NEGR1: variants seen among roughly 807,000 people sequenced by gnomAD.
NEGR1 encodes the protein IgLON family member 4.
A neutral mutation model predicts 40.9 loss-of-function variants in NEGR1; 10 were observed. The observed-to-expected ratio is 0.24, with a 90% CI of 0.15 to 0.42. The LOEUF is 0.42. Ranked by LOEUF, NEGR1 falls within the 10% of genes least tolerant of loss-of-function variation. The pLI is 1.00. For synonymous variants in NEGR1, 185 were observed against 166.8 expected (o/e 1.11, Z -0.84); for missense variants, 352 against 438.9 (o/e 0.80, Z 1.77).
At chr1:71,563,192 A>T (rs1296673805) in intron 6 of NEGR1, among the ~76,000 whole-genome samples, 2 of 152,014 alleles carry the variant, frequency 1.3e-5, no homozygotes, top group East Asian at 3.9e-4. Context: ...GAGAGGACTG[A>T]CTACCTTTTA....
chr1:71,687,602 C>G (rs937345463), intron 4 of NEGR1, among the ~76,000 whole-genome samples: 2 of 152,154 alleles, frequency 1.3e-5, no homozygotes, highest in African/African-American at 4.8e-5. Flanking sequence ...TAATTGTTTT[C>G]TCTATTCACT....
At chr1:72,147,975 C>A (rs374652545) in intron 1 of NEGR1, among the ~76,000 whole-genome samples, 14 of 152,114 alleles carry the variant, frequency 9.2e-5, no homozygotes, top group Non-Finnish European at 1.8e-4. Context: ...TGGTTGCTTT[C>A]ATGGGCTGGC....
intron 2 of NEGR1, among the ~76,000 whole-genome samples, chr1:71,828,519 C>T (rs1458153582): frequency 6.6e-6 from 1 of 151,752 alleles, no homozygotes; most frequent in Non-Finnish European, 1.5e-5. Flanking sequence ...TCTTTCCTTT[C>T]TTATTTTTCC....
intron 2 of NEGR1, among the ~76,000 whole-genome samples, chr1:71,876,770 A>G (rs1660444216): frequency 6.6e-6 from 1 of 152,160 alleles, no homozygotes; most frequent in African/African-American, 2.4e-5. Flanking sequence ...GAAGTTTTTT[A>G]TATTATGATC....
At chr1:71,552,247 C>G (rs1453506397) in intron 6 of NEGR1, among the ~76,000 whole-genome samples, 1 of 151,142 alleles carries the variant, frequency 6.6e-6, no homozygotes, top group Non-Finnish European at 1.5e-5. Flanking sequence ...CAGACACCTT[C>G]CTTAACTCTA....
Position 71,567,843 on chromosome 1 carries a change from T to TA in NEGR1, c.940+24973_940+24974insT, listed in dbSNP as rs1316698786. ...GTCATCAATGAGATTTTGTTTTTTT[T>TA]TTTATAAGATAGACCCCAGGGAATT... On this transcript the variant is annotated intron_variant, in intron 6 of 6. Transcript: ENST00000357731. 5.9e-5 allele frequency among the ~76,000 whole-genome samples: 9 copies of TA among 151,870 alleles called. No individual in the cohort carries two copies. In the South Asian group the frequency reaches 1.5e-3, roughly 25 times the overall value.
chr1:72,269,557 A>G (rs1013811570), intron 1 of NEGR1, among the ~76,000 whole-genome samples: 1 of 151,782 alleles, frequency 6.6e-6, no homozygotes, highest in African/African-American at 2.4e-5. Flanking sequence ...TAGCTGTAAT[A>G]AAGTTCGGAA....
At chr1:71,747,134 C>T (rs1389786339) in intron 3 of NEGR1, among the ~76,000 whole-genome samples, 1 of 151,914 alleles carries the variant, frequency 6.6e-6, no homozygotes, top group African/African-American at 2.4e-5. Flanking sequence ...AGCTTTTTAT[C>T]ATATAAAGGG....
At chr1:71,614,697 T>C (rs1328514315) in intron 4 of NEGR1, among the ~76,000 whole-genome samples, 1 of 152,164 alleles carries the variant, frequency 6.6e-6, no homozygotes, top group African/African-American at 2.4e-5. Context: ...CTCTTGTTTG[T>C]CAAGGGGGCC....
intron 6 of NEGR1, among the ~76,000 whole-genome samples, chr1:71,512,028 T>C (rs1255298518): frequency 6.6e-6 from 1 of 152,184 alleles, no homozygotes; most frequent in Non-Finnish European, 1.5e-5. Context: ...AAATTTTAGA[T>C]GCAAGTAAAT....
intron 4 of NEGR1, among the ~76,000 whole-genome samples, chr1:71,690,619 C>G (rs865839744): frequency 5.9e-3 from 395 of 67,510 alleles, no homozygotes; most frequent in Middle Eastern, 0.013. Context: ...TAGAGGGAGA[C>G]AGAGAGAGAG....
chr1:71,615,484 T>C (rs894597124), intron 4 of NEGR1, among the ~76,000 whole-genome samples: 3 of 152,174 alleles, frequency 2.0e-5, no homozygotes, highest in Non-Finnish European at 2.9e-5. Flanking sequence ...TGGCAATTCG[T>C]AGAAAATTAT....
intron 2 of NEGR1, among the ~76,000 whole-genome samples, chr1:71,895,242 G>A (rs1188921439): frequency 6.6e-6 from 1 of 151,974 alleles, no homozygotes; most frequent in Non-Finnish European, 1.5e-5. Flanking sequence ...TATTTCCTAG[G>A]TACAGAGCTT....
At chr1:71,834,383 G>A (rs1658942567) in intron 2 of NEGR1, among the ~76,000 whole-genome samples, 2 of 151,934 alleles carry the variant, frequency 1.3e-5, no homozygotes, top group Admixed American at 1.3e-4. Context: ...CAGTGTGGGT[G>A]GGCACCATCC....
intron 6 of NEGR1, among the ~76,000 whole-genome samples, chr1:71,554,074 TG>T (rs1448099304): frequency 6.6e-6 from 1 of 151,518 alleles, no homozygotes; most frequent in Non-Finnish European, 1.5e-5. Flanking sequence ...GAAATAAGTT[TG>T]TTGTTTTGCT....
intron 1 of NEGR1, among the ~76,000 whole-genome samples, chr1:72,119,463 A>G (rs1330110667): frequency 6.6e-6 from 1 of 151,886 alleles, no homozygotes; most frequent in African/African-American, 2.4e-5. Flanking sequence ...CCTTAGTATT[A>G]AAAAAATGAG....
chr1:72,117,111 G>T (rs1441066516), intron 1 of NEGR1, among the ~76,000 whole-genome samples: 1 of 151,556 alleles, frequency 6.6e-6, no homozygotes. Flanking sequence ...TGTTTTCTTG[G>T]CTTCATCTCT....
chr1:72,046,931 G>T (rs1357410012), intron 1 of NEGR1, among the ~76,000 whole-genome samples: 1 of 151,598 alleles, frequency 6.6e-6, no homozygotes, highest in East Asian at 1.9e-4. Context: ...GGCTGTTGGG[G>T]AAGTAATCTG....
At chr1:72,219,777 C>G (rs1449077558) in intron 1 of NEGR1, among the ~76,000 whole-genome samples, 2 of 152,160 alleles carry the variant, frequency 1.3e-5, no homozygotes, top group South Asian at 2.1e-4. Flanking sequence ...AGTGCATGGA[C>G]ATAACTATCT....
Sources: allele counts gnomAD v4.1 joint callset (sites outside exome capture counted in the v4.1 genomes callset), GRCh38; gene constraint gnomAD v4.1.1; transcripts MANE v1.5; gene names NCBI Gene and HGNC (gene_info 2026-07-23, HGNC 2026-07-21).